Variants in C11orf65 observed in about 807,000 individuals in gnomAD.
The protein encoded by C11orf65 is chromosome 11 open reading frame 65.
A neutral mutation model predicts 35.3 loss-of-function variants in C11orf65; 38 were observed. That is an observed-to-expected ratio of 1.08 (90% confidence interval 0.83 to 1.41). The LOEUF (loss-of-function observed/expected upper bound fraction) is 1.41, where lower values mean the gene tolerates loss of function less well. Among genes scored for constraint, C11orf65 ranks in the 40% most tolerant of loss-of-function variants. The pLI is 0.00. For missense variants in C11orf65, 370 were observed against 367.1 expected, an observed-to-expected ratio of 1.01 and a Z score of -0.06; for synonymous variants, 105 against 114.4, an observed-to-expected ratio of 0.92 and a Z score of 0.53.
In C11orf65 at chr11:108,375,600, A is replaced by G. The variant is rs559673536; in HGVS notation, c.226+17608T>C. Among the ~76,000 whole-genome samples, 315 of 152,292 alleles carry G rather than the reference A, an allele frequency of 2.1e-3. 4 individuals carry two copies. The highest frequency in any genetic ancestry group is 0.016 in the Admixed American group (250 of 15,296). On this transcript the variant is annotated intron_variant, in intron 2 of 3. Coordinates refer to the C11orf65 transcript ENST00000524755. ...AACTAACGAACAAAATAACCAGCTA[A>G]CATCATAATGACAGGATCAAATTCA... is the stretch of plus-strand genomic sequence containing the variant.
intron 6 of C11orf65, among the ~76,000 whole-genome samples, chr11:108,397,688 A>G (rs374301523): frequency 2.6e-5 from 4 of 152,348 alleles, no homozygotes; most frequent in African/African-American, 9.6e-5. Flanking sequence ...TTTAAATGCC[A>G]TAAATGAACA....
At chr11:108,417,321 T>C (rs923065152) in intron 3 of C11orf65, among the ~76,000 whole-genome samples, 1 of 152,044 alleles carries the variant, frequency 6.6e-6, no homozygotes, top group Non-Finnish European at 1.5e-5. Context: ...GGCAGGAGGA[T>C]TGCCTGAGTT....
At chr11:108,360,123 G>A (rs1354713135) in intron 2 of C11orf65, among the ~76,000 whole-genome samples, 13 of 150,510 alleles carry the variant, frequency 8.6e-5, no homozygotes, top group African/African-American at 2.2e-4. Flanking sequence ...TATCACCACC[G>A]ATCCCACAGA....
At position 108,382,766 on chromosome 11, in the gene C11orf65, T is replaced by A; in HGVS notation, c.*255A>T. 9 of 983,800 alleles carry A rather than the reference T, an allele frequency of 9.1e-6. No individual in the cohort carries two copies. Among genetic ancestry groups the A allele is most frequent in the Non-Finnish European group, 1.1e-5 (9 of 828,468 alleles). The allele number at this position is 983,800 out of a possible 1,614,324, so 60.9% of individuals were successfully genotyped here. ...CAGTCTGAAGCTTCTTGCACCTAAA[T>A]GTAGTCTCTTTACTTAAGTGTGACT... On this transcript the variant is annotated 3_prime_UTR_variant, in exon 9 of 9. Transcript: ENST00000393084.
chr11:108,353,973 C>G (rs989820309), intron 2 of C11orf65: 4 of 1,209,824 alleles, frequency 3.3e-6, no homozygotes, highest in Non-Finnish European at 4.9e-6. Context: ...CCCAGCTGCT[C>G]AAGAGGCTGA....
Position 108,414,145 on chromosome 11 carries a change from A to G in C11orf65, c.175-6996T>C, listed in dbSNP as rs184436442. On this transcript the variant is annotated intron_variant, in intron 3 of 8. Coordinates refer to ENST00000393084, the MANE Select transcript of C11orf65 (RefSeq NM_152587.5). ...AACAAAAAGCTGGTTTGAAAAGATCAATAAAATTGATAAGCTTCTGGCTAG... is the reference window on the plus strand; with the variant it reads ...AACAAAAAGCTGGTTTGAAAAGATCGATAAAATTGATAAGCTTCTGGCTAG... Among the ~76,000 whole-genome samples, 5 of 152,174 alleles carry G rather than the reference A, an allele frequency of 3.3e-5. No individual in the cohort carries two copies. The East Asian group carries it at 7.7e-4, about 23-fold the overall frequency.
chr11:108,403,420 G>GTTTTTTTTTTTTT (rs869122131), intron 6 of C11orf65, among the ~76,000 whole-genome samples: 1 of 119,712 alleles, frequency 8.4e-6, no homozygotes, highest in Non-Finnish European at 1.6e-5. Flanking sequence ...TTTTTTTTTT[G>GTTTTTTTTTTTTT]TTTTTTTTTT....
chr11:108,322,401 G>A (rs971309651), intron 6 of C11orf65, among the ~76,000 whole-genome samples: 44 of 152,126 alleles, frequency 2.9e-4, no homozygotes, highest in African/African-American at 1.0e-3. Context: ...TGATCCACCC[G>A]CTTCAGCCTC....
intron 2 of C11orf65, chr11:108,345,711 G>GA (rs1380421501): frequency 1.4e-6 from 2 of 1,468,866 alleles, no homozygotes; most frequent in Non-Finnish European, 1.8e-6. Flanking sequence ...ACACAATATT[G>GA]AAAAATAATT....
At chr11:108,463,465 C>A (rs2093496591) in intron 1 of C11orf65, among the ~76,000 whole-genome samples, 2 of 151,910 alleles carry the variant, frequency 1.3e-5, no homozygotes, top group South Asian at 2.1e-4. Flanking sequence ...AAACTTATGT[C>A]TTTTTTGCTT....
chr11:108,405,982 T>C (rs1264641344), intron 5 of C11orf65, among the ~76,000 whole-genome samples: 1 of 152,118 alleles, frequency 6.6e-6, no homozygotes, highest in African/African-American at 2.4e-5. Context: ...CGTTATGACA[T>C]TTTCTCCTAA....
At chr11:108,429,753 T>C (rs1456091905) in intron 3 of C11orf65, among the ~76,000 whole-genome samples, 1 of 152,190 alleles carries the variant, frequency 6.6e-6, no homozygotes, top group African/African-American at 2.4e-5. Context: ...TGTCCATTGG[T>C]GGATGACTGA....
intron 2 of C11orf65, chr11:108,343,091 T>A: frequency 8.5e-7 from 1 of 1,180,290 alleles, no homozygotes; most frequent in Non-Finnish European, 1.2e-6. Context: ...AGGAGCTTTG[T>A]CTTCTATGGA....
rs145847315 is a variant in C11orf65, at chr11:108,315,904, A to G, written c.641-6833T>C. On this transcript the variant is annotated intron_variant, in intron 6 of 6. Transcript: ENST00000525729. ...TGGTGGAGGGAAGATGTTACAACCC[A>G]TTACTAGGTAAATTGCATTTTTCTA... 9.1e-4 allele frequency: 1,468 copies of G among 1,611,198 alleles called. 21 individuals are homozygous for G. In the African/African-American group the frequency reaches 0.018, roughly 19 times the overall value.
chr11:108,313,757 A>G (rs946177696), intron 6 of C11orf65, among the ~76,000 whole-genome samples: 1 of 152,230 alleles, frequency 6.6e-6, no homozygotes, highest in South Asian at 2.1e-4. Context: ...AGTTGGAACT[A>G]TAGAATTATG....
intron 2 of C11orf65, among the ~76,000 whole-genome samples, chr11:108,374,238 C>A (rs1442558507): frequency 6.6e-6 from 1 of 152,208 alleles, no homozygotes; most frequent in African/African-American, 2.4e-5. Flanking sequence ...GAGGCACCCC[C>A]CAGTGGGGCA....
At chr11:108,454,973 G>C (rs1052717433) in intron 2 of C11orf65, among the ~76,000 whole-genome samples, 1 of 151,992 alleles carries the variant, frequency 6.6e-6, no homozygotes, top group African/African-American at 2.4e-5. Flanking sequence ...TAGGTTGTTT[G>C]AGATCTTTCT....
At chr11:108,415,913 C>T (rs1484734730) in intron 3 of C11orf65, among the ~76,000 whole-genome samples, 1 of 151,776 alleles carries the variant, frequency 6.6e-6, no homozygotes, top group Non-Finnish European at 1.5e-5. Context: ...TGCGGGAATC[C>T]ACGTTCAAGA....
intron 2 of C11orf65, chr11:108,347,455 A>T: frequency 9.1e-7 from 1 of 1,098,750 alleles, no homozygotes; most frequent in Non-Finnish European, 1.4e-6. Flanking sequence ...TACAAATATA[A>T]GAGACAGATA....
Sources: gnomAD v4.1 joint callset for allele counts (sites outside exome capture counted in the v4.1 genomes callset) on GRCh38, gnomAD v4.1.1 for gene constraint, MANE v1.5 for transcripts, NCBI Gene and HGNC (gene_info 2026-07-23, HGNC 2026-07-21) for gene names.